Variants in SLC2A13 observed in about 807,000 individuals in gnomAD.
SLC2A13 encodes the protein solute carrier family 2 member 13, also known as proton myo-inositol cotransporter.
SLC2A13 carries 32 observed loss-of-function variants against 64.4 expected under a neutral mutation model. The observed-to-expected ratio is 0.50, with a 90% CI of 0.37 to 0.67. The LOEUF (loss-of-function observed/expected upper bound fraction) is 0.67, where lower values mean the gene tolerates loss of function less well. Among genes scored for constraint, SLC2A13 ranks in the 30% least tolerant of loss-of-function variants. SLC2A13 has a pLI of 0.00. For synonymous variants in SLC2A13, 338 were observed against 327.1 expected, an observed-to-expected ratio of 1.03 and a Z score of -0.36; for missense variants, 743 against 829.2, an observed-to-expected ratio of 0.90 and a Z score of 1.28.
chr12:39,817,990 G>A (rs1056147139), intron 7 of SLC2A13, among the ~76,000 whole-genome samples: 5 of 152,112 alleles, frequency 3.3e-5, no homozygotes, highest in African/African-American at 9.7e-5. Context: ...TTTCTCCTCT[G>A]CTTTGTCCTT....
chr12:39,892,807 G>A (rs977882322), intron 4 of SLC2A13, among the ~76,000 whole-genome samples: 24 of 152,168 alleles, frequency 1.6e-4, no homozygotes, highest in African/African-American at 5.8e-4. Flanking sequence ...TGAGGATATT[G>A]ACAGAAGATG....
intron 1 of SLC2A13, among the ~76,000 whole-genome samples, chr12:40,082,537 T>A (rs1938444015): frequency 6.6e-6 from 1 of 152,188 alleles, no homozygotes; most frequent in Non-Finnish European, 1.5e-5. Context: ...GCAGGGACCC[T>A]GGGATAGGCC....
At chr12:40,030,708 C>A (rs964290078) in intron 2 of SLC2A13, among the ~76,000 whole-genome samples, 3 of 151,474 alleles carry the variant, frequency 2.0e-5, no homozygotes, top group Admixed American at 6.6e-5. Flanking sequence ...AGTATTTTTA[C>A]AAGTTTTTTT....
chr12:39,927,352 C>T (rs1254992809), intron 4 of SLC2A13, among the ~76,000 whole-genome samples: 1 of 152,050 alleles, frequency 6.6e-6, no homozygotes, highest in African/African-American at 2.4e-5. Context: ...AAAAACTAAA[C>T]TGAAAATTGG....
intron 4 of SLC2A13, among the ~76,000 whole-genome samples, chr12:39,896,222 A>C (rs1332721219): frequency 6.7e-6 from 1 of 148,158 alleles, no homozygotes; most frequent in Non-Finnish European, 1.5e-5. Context: ...ATACGTATAC[A>C]TATATGCATA....
At chr12:39,945,912 G>T (rs915978994) in intron 4 of SLC2A13, among the ~76,000 whole-genome samples, 6 of 134,628 alleles carry the variant, frequency 4.5e-5, no homozygotes, top group African/African-American at 1.2e-4. Context: ...GATTTTTTGT[G>T]GGGGGGTGTT....
rs535236363 is a variant in SLC2A13, at chr12:39,975,957, C to T, written c.926-24592G>A. ...AACAAACAGCAGACTAGGAGTGCTC[C>T]ATTCTAAGCTAAGTTTCCAAATATA... On this transcript the variant is annotated intron_variant, in intron 3 of 9. Transcript: ENST00000280871. Among the ~76,000 whole-genome samples the T allele has an allele frequency of 3.9e-5, 6 of 152,298 alleles. No homozygotes were observed. In the South Asian group the frequency reaches 1.2e-3, roughly 32 times the overall value.
chr12:40,094,452 C>T (rs1938871038), intron 1 of SLC2A13, among the ~76,000 whole-genome samples: 1 of 152,064 alleles, frequency 6.6e-6, no homozygotes, highest in African/African-American at 2.4e-5. Context: ...GAGCAGCCTA[C>T]AGAAAAAGCT....
chr12:39,963,179 T>C (rs522271), intron 3 of SLC2A13, among the ~76,000 whole-genome samples: 141,379 of 151,186 alleles, frequency 0.94, 66,405 homozygotes, highest in Middle Eastern at 0.99. Context: ...CCCAGCTACT[T>C]GGGAGGCTGA....
In SLC2A13 at chr12:39,871,905, A is replaced by C; in HGVS notation, c.1091T>G (p.Ile364Arg). 6.2e-7 allele frequency: 1 copy of C among 1,611,498 alleles called. No homozygotes were observed. Among genetic ancestry groups the C allele is most frequent in the Non-Finnish European group, 8.5e-7 (1 of 1,178,932 alleles). Residue 364 changes from isoleucine (I) to arginine (R), a missense_variant, in exon 5 of 10, where the codon ATA (isoleucine) becomes AGA (arginine). By Grantham distance (97) the Ile-to-Arg change is moderately conservative (BLOSUM62 -3). Coordinates refer to ENST00000280871, the MANE Select transcript of SLC2A13 (RefSeq NM_052885.4). ...MSGVEDDRLA[I>R]WLASVTAFTN... ...GAAGGCTGTAACTGAAGCCAGCCAT[A>C]TTGCAAGTCTATCATCTTCAACACC...
At chr12:39,868,569 A>G (rs1022873076) in intron 5 of SLC2A13, among the ~76,000 whole-genome samples, 3 of 152,182 alleles carry the variant, frequency 2.0e-5, no homozygotes, top group African/African-American at 7.2e-5. Flanking sequence ...ATGTTTTAAA[A>G]TAAGTATCCT....
At chr12:39,877,768 C>A (rs941341778) in intron 4 of SLC2A13, among the ~76,000 whole-genome samples, 1 of 152,132 alleles carries the variant, frequency 6.6e-6, no homozygotes, top group Non-Finnish European at 1.5e-5. Context: ...TCTTCTAAAC[C>A]TTTATGCAGT....
chr12:40,058,086 T>TAGATAGATAGAC (rs1224359123), intron 1 of SLC2A13, among the ~76,000 whole-genome samples: 3 of 151,162 alleles, frequency 2.0e-5, no homozygotes, highest in Non-Finnish European at 4.4e-5. Context: ...GATAGATAGA[T>TAGATAGATAGAC]AGATTGATTT....
intron 4 of SLC2A13, among the ~76,000 whole-genome samples, chr12:39,891,592 C>T (rs1349805672): frequency 6.6e-6 from 1 of 152,096 alleles, no homozygotes; most frequent in Non-Finnish European, 1.5e-5. Flanking sequence ...AAGATTAAGG[C>T]AGGAACTTGG....
intron 3 of SLC2A13, among the ~76,000 whole-genome samples, chr12:39,986,699 C>CA (rs144185678): frequency 0.23 from 31,223 of 138,362 alleles, 3,821 homozygotes; most frequent in African/African-American, 0.35. Flanking sequence ...TCTTAGCAGA[C>CA]AAAAAAAAAA....
intron 1 of SLC2A13, among the ~76,000 whole-genome samples, chr12:40,059,992 GC>G (rs1948391997): frequency 6.6e-6 from 1 of 152,046 alleles, no homozygotes; most frequent in Non-Finnish European, 1.5e-5. Flanking sequence ...GGCCCAAAGG[GC>G]CCCAATATTA....
At chr12:39,939,443 G>C (rs936289162) in intron 4 of SLC2A13, among the ~76,000 whole-genome samples, 7 of 152,190 alleles carry the variant, frequency 4.6e-5, no homozygotes, top group African/African-American at 1.7e-4. Flanking sequence ...ACTCCAGAGG[G>C]AGAAAGTACA....
chr12:39,844,279 T>G (rs1450751072), intron 6 of SLC2A13, among the ~76,000 whole-genome samples: 2 of 152,084 alleles, frequency 1.3e-5, no homozygotes, highest in South Asian at 4.1e-4. Context: ...ATAGGGTAGA[T>G]AGACAGTCCT....
chr12:39,928,144 A>G (rs1945759870), intron 4 of SLC2A13, among the ~76,000 whole-genome samples: 1 of 152,188 alleles, frequency 6.6e-6, no homozygotes, highest in Non-Finnish European at 1.5e-5. Flanking sequence ...TTTTACTTGA[A>G]TAATATCTTG....
Sources: gnomAD v4.1 joint callset for allele counts (sites outside exome capture counted in the v4.1 genomes callset) on GRCh38, gnomAD v4.1.1 for gene constraint, MANE v1.5 for transcripts, NCBI Gene and HGNC (gene_info 2026-07-23, HGNC 2026-07-21) for gene names.